ATM: variants seen among roughly 807,000 people sequenced by gnomAD.
ATM encodes the protein ATM serine/threonine kinase, also known as serine-protein kinase ATM.
Under a neutral mutation model 387.0 loss-of-function variants are expected in ATM, and 308 were observed. That is an observed-to-expected ratio of 0.80 (90% CI 0.73 to 0.87). The LOEUF (loss-of-function observed/expected upper bound fraction) is 0.87, where lower values mean the gene tolerates loss of function less well. Among genes scored for constraint, ATM ranks in the 40% least tolerant of loss-of-function variants. The pLI, the probability that ATM is intolerant of heterozygous loss-of-function variation, is 0.00. For missense variants in ATM, 3,312 were observed against 3,560.9 expected (o/e 0.93, Z 1.78); for synonymous variants, 1,156 against 1,187.3 (o/e 0.97, Z 0.54).
At chr11:108,334,446 T>C (rs2136634164) in intron 54 of ATM, among the ~76,000 whole-genome samples, 1 of 152,344 alleles carries the variant, frequency 6.6e-6, no homozygotes, top group African/African-American at 2.4e-5. Context: ...TATTCTTTTA[T>C]TGCAAGAAAT....
At chr11:108,305,056 G>C (rs1215953389) in intron 37 of ATM, among the ~76,000 whole-genome samples, 1 of 152,200 alleles carries the variant, frequency 6.6e-6, no homozygotes, top group African/African-American at 2.4e-5. Flanking sequence ...GCCTAGGATA[G>C]TACTTGATGT....
intron 4 of ATM, 40 bp from the exon 5 acceptor site, chr11:108,235,630 T>A (rs2079230708): frequency 6.5e-7 from 1 of 1,529,668 alleles, no homozygotes; most frequent in Non-Finnish European, 9.0e-7. Context: ...TTATTTTTGT[T>A]CAAATTTATG....
At chr11:108,254,213 T>TG (rs2080331305) in intron 13 of ATM, among the ~76,000 whole-genome samples, 174 bp downstream of exon 13, 2 of 152,032 alleles carry the variant, frequency 1.3e-5, no homozygotes, top group Middle Eastern at 3.2e-3. Context: ...AAAGGAAAAC[T>TG]CAAGAATAAT....
intron 1 of ATM, 38 bp from the exon 2 acceptor site, chr11:108,227,557 C>T: frequency 8.5e-7 from 1 of 1,173,352 alleles, no homozygotes; most frequent in Non-Finnish European, 1.3e-6. Context: ...TGCATATATA[C>T]ATATACATAT....
At chr11:108,314,220 A>G (rs2084412371) in intron 40 of ATM, among the ~76,000 whole-genome samples, 2 of 152,048 alleles carry the variant, frequency 1.3e-5, no homozygotes, top group Non-Finnish European at 2.9e-5. Flanking sequence ...GGCTCAAGCC[A>G]TCCTCCAACC....
chr11:108,310,447 G>A, intron 39 of ATM, 132 bp downstream of exon 39: 1 of 843,278 alleles, frequency 1.2e-6, no homozygotes, highest in Non-Finnish European at 1.8e-6. Flanking sequence ...TTGTTTTAAA[G>A]TGAAATTATA....
At chr11:108,362,690 A>G (rs1223984027) in intron 61 of ATM, among the ~76,000 whole-genome samples, 2 of 147,484 alleles carry the variant, frequency 1.4e-5, no homozygotes, top group South Asian at 2.2e-4. Context: ...TCAGTAAACT[A>G]TCGCAAGAAC....
In ATM at chr11:108,284,488, T is replaced by C. The variant is rs2135710543; in HGVS notation, c.3993+15T>C. ...TGGGAAAACAGGTATGGCTTCAATT[T>C]TTATGTACTTTTCATTCCCTGAATG... On this transcript the variant is annotated intron_variant, in intron 26 of 62. Transcript: ENST00000675843. 6.2e-7 allele frequency: 1 copy of C among 1,613,472 alleles called. No individual in the cohort carries two copies. The highest frequency in any genetic ancestry group is 8.5e-7 in the Non-Finnish European group (1 of 1,179,616).
Position 108,227,599 on chromosome 11 carries a change from T to C in ATM, c.-26T>C, listed in dbSNP as rs2135002968. On this transcript the variant is annotated 5_prime_UTR_variant, in exon 2 of 63. Coordinates refer to ENST00000675843, the MANE Select transcript of ATM (RefSeq NM_000051.4). ...CTATATGTATTTTTTTTACAGACAG[T>C]GATGTGTGTTCTGAAATTGTGAACC... The C allele has an allele frequency of 6.2e-7, 1 of 1,601,530 alleles. No homozygotes were observed. The highest frequency in any genetic ancestry group is 8.6e-7 in the Non-Finnish European group (1 of 1,168,856).
chr11:108,335,795 T>C lies in ATM; in HGVS notation c.8152-50T>C, dbSNP rs762648668. On this transcript the variant is annotated intron_variant, in intron 55 of 62. Transcript: ENST00000675843. ...GCTATTCTCAGATGACTCTGTGTTTTTATAATAAAATAAACTGTACTTGTT... is the reference window on the plus strand; with the variant it reads ...GCTATTCTCAGATGACTCTGTGTTTCTATAATAAAATAAACTGTACTTGTT... 1.4e-5 allele frequency: 21 copies of C among 1,478,184 alleles called. No homozygotes were observed. Among genetic ancestry groups the C allele is most frequent in the Non-Finnish European group, 1.9e-5 (20 of 1,061,892 alleles). 91.6% of individuals were successfully genotyped at this position (1,478,184 alleles called of 1,614,324 possible).
Position 108,271,344 on chromosome 11 carries a change from T to C in ATM, c.3015T>C (p.Asn1005=). The part of the protein sequence containing the change: ...LHVVKNLGQS[N]MDSENTRDAQ... ...TAGTGAAAAACCTAGGTCAAAGCAA[T>C]ATGGACTCTGAGAACACAAGGGATG... is the stretch of plus-strand genomic sequence containing the variant. Residue 1005 remains asparagine (N), a synonymous_variant, in exon 20 of 63, where the codon AAT becomes AAC. Coordinates refer to ENST00000675843, the MANE Select transcript of ATM (RefSeq NM_000051.4). The C allele has an allele frequency of 1.2e-6, 2 of 1,613,916 alleles. No individual in the cohort carries two copies. The highest frequency in any genetic ancestry group is 1.1e-5 in the South Asian group (1 of 91,076).
chr11:108,308,811 G>A (rs1226520718), intron 38 of ATM: 2 of 544,730 alleles, frequency 3.7e-6, no homozygotes, highest in Middle Eastern at 3.0e-4. Context: ...AGAAAAAGAA[G>A]TTTTATGCTT....
chr11:108,223,546 A>G (rs1381718543), intron 1 of ATM: 1 of 152,196 alleles, frequency 6.6e-6, no homozygotes, highest in Non-Finnish European at 1.5e-5. Flanking sequence ...CCTCGCGGTT[A>G]AGAGCTTGGG....
chr11:108,353,340 G>C (rs988979019), intron 59 of ATM, among the ~76,000 whole-genome samples: 8 of 152,122 alleles, frequency 5.3e-5, no homozygotes, highest in Admixed American at 3.9e-4. Flanking sequence ...GTGGAGACAA[G>C]GTTTCACCAT....
At chr11:108,339,474 A>G (rs1214652637) in intron 56 of ATM, among the ~76,000 whole-genome samples, 1 of 152,138 alleles carries the variant, frequency 6.6e-6, no homozygotes, top group African/African-American at 2.4e-5. Flanking sequence ...ATCTAGGATG[A>G]TATCAGCTGT....
At chr11:108,279,449 T>C (rs747876410) in intron 22 of ATM, 42 bp from the exon 23 acceptor site, 6 of 1,416,982 alleles carry the variant, frequency 4.2e-6, no homozygotes, top group Non-Finnish European at 2.0e-6. Context: ...AATTAGAAAA[T>C]TATTTCACTT....
At position 108,241,272 on chromosome 11, in the gene ATM, T is replaced by G. The variant is rs2079541710; in HGVS notation, c.497-2681T>G. Among the ~76,000 whole-genome samples the G allele has an allele frequency of 1.3e-5, 2 of 152,108 alleles. 1 individual carries two copies. Among genetic ancestry groups the G allele is most frequent in the African/African-American group, 4.8e-5 (2 of 41,418 alleles). Reference sequence around the variant, plus strand: ...ACCTACCTGAGACTGTTTTACTGTTTTGTTTTGTTTTGTTTTTTAAGAAGA... The same window carrying G: ...ACCTACCTGAGACTGTTTTACTGTTGTGTTTTGTTTTGTTTTTTAAGAAGA... On this transcript the variant is annotated intron_variant, in intron 5 of 62. Transcript: ENST00000675843.
chr11:108,246,097 T>G (rs960131568), intron 7 of ATM, among the ~76,000 whole-genome samples: 1 of 152,080 alleles, frequency 6.6e-6, no homozygotes, highest in Non-Finnish European at 1.5e-5. Flanking sequence ...GTGCTGAGAT[T>G]ACAGGCATGA....
intron 22 of ATM, among the ~76,000 whole-genome samples, chr11:108,275,021 A>G (rs889631297): frequency 2.6e-5 from 4 of 152,028 alleles, no homozygotes; most frequent in African/African-American, 7.2e-5. Context: ...TCGTAGGTCT[A>G]AGAACTTGCT....
Sources: gnomAD v4.1 joint callset for allele counts (sites outside exome capture counted in the v4.1 genomes callset) on GRCh38, gnomAD v4.1.1 for gene constraint, MANE v1.5 for transcripts, NCBI Gene and HGNC (gene_info 2026-07-23, HGNC 2026-07-21) for gene names.